Variants in CLTB observed in about 807,000 individuals in gnomAD.
CLTB encodes clathrin, light chain (Lcb).
A neutral mutation model predicts 30.5 loss-of-function variants in CLTB; 10 were observed. The observed-to-expected ratio is 0.33, with a 90% CI of 0.20 to 0.56. CLTB has a LOEUF of 0.56. Ranked by LOEUF, CLTB falls within the 20% of genes least tolerant of loss-of-function variation. The probability of loss-of-function intolerance (pLI) is 0.91; values close to 1 mark genes in which losing one functional copy is unlikely to be tolerated. For missense variants in CLTB, 261 were observed against 308.3 expected (o/e 0.85, Z 1.15); for synonymous variants, 102 against 120.3 (o/e 0.85, Z 1.00).
chr5:176,398,040 T>C lies in CLTB; in HGVS notation c.242A>G (p.Asn81Ser), dbSNP rs768942335. ...TVNGDVFQEA[N>S]GPADGYAAIA... is the part of the protein sequence containing the mutation. Reference sequence around the variant, plus strand: ...GGCTGCGTAGCCATCAGCAGGACCGTTGGCCTCCTAGAACACAAACACGCA... The same window carrying C: ...GGCTGCGTAGCCATCAGCAGGACCGCTGGCCTCCTAGAACACAAACACGCA... Residue 81 changes from asparagine to serine, a missense_variant, in exon 3 of 6, where the codon AAC (asparagine) becomes AGC (serine). By Grantham distance (46) the Asn-to-Ser change is conservative. This residue lies in a region of CLTB where 123 missense variants were observed against 157.0 expected (regional missense o/e 0.78). Coordinates refer to ENST00000310418, the MANE Select transcript of CLTB (RefSeq NM_007097.5). 16 of 1,613,882 alleles carry C rather than the reference T, an allele frequency of 9.9e-6. No homozygotes were observed. The highest frequency in any genetic ancestry group is 6.7e-5 in the Admixed American group (4 of 60,026).
chr5:176,394,351 C>T (rs182676523), intron 5 of CLTB, among the ~76,000 whole-genome samples: 194 of 152,338 alleles, frequency 1.3e-3, no homozygotes, highest in Non-Finnish European at 2.1e-3. Flanking sequence ...AGGGTTTTCA[C>T]GAGACCCCCT....
chr5:176,416,136 T>G, intron 1 of CLTB, 41 bp downstream of exon 1: 3 of 1,468,862 alleles, frequency 2.0e-6, no homozygotes, highest in Non-Finnish European at 2.7e-6. Context: ...GTCCCCCGGG[T>G]GCGCGCCCTG....
chr5:176,397,097 T>C (rs1232571191), intron 4 of CLTB, among the ~76,000 whole-genome samples: 1 of 152,156 alleles, frequency 6.6e-6, no homozygotes, highest in Non-Finnish European at 1.5e-5. Flanking sequence ...TGTGTGTTTT[T>C]CTCCTCTGCG....
At chr5:176,414,075 T>C (rs773601165) in intron 1 of CLTB, among the ~76,000 whole-genome samples, 14 of 152,330 alleles carry the variant, frequency 9.2e-5, no homozygotes, top group Non-Finnish European at 1.6e-4. Context: ...CTCAGGCATC[T>C]GGCTGCCCTC....
rs555226272 is a variant in CLTB at position 176,402,840 on chromosome 5, C to T, written c.235-4793G>A. On this transcript the variant is annotated intron_variant, in intron 2 of 5. Coordinates refer to ENST00000310418, the MANE Select transcript of CLTB (RefSeq NM_007097.5). ...GGGGAAGGGAGGGCACCATTCTCGCCTGGGGACAGAGTACAGTAGGAGAGA... is the reference window on the plus strand; with the variant it reads ...GGGGAAGGGAGGGCACCATTCTCGCTTGGGGACAGAGTACAGTAGGAGAGA... Among the ~76,000 whole-genome samples, 84 of 152,222 alleles carry T rather than the reference C, an allele frequency of 5.5e-4. 1 individual carries two copies. The South Asian group carries it at 0.017, about 31-fold the overall frequency.
intron 2 of CLTB, among the ~76,000 whole-genome samples, chr5:176,404,375 G>C (rs192949725): frequency 9.8e-5 from 15 of 152,362 alleles, no homozygotes; most frequent in African/African-American, 3.6e-4. Flanking sequence ...AGAAGCGTCC[G>C]GGGCTGCAGA....
chr5:176,414,131 C>T (rs1209840193), intron 1 of CLTB, among the ~76,000 whole-genome samples: 1 of 152,172 alleles, frequency 6.6e-6, no homozygotes, highest in Non-Finnish European at 1.5e-5. Context: ...ACAATGGCTC[C>T]CCTCAGCAGG....
chr5:176,407,100 T>C (rs949701069), intron 2 of CLTB, among the ~76,000 whole-genome samples: 4 of 152,032 alleles, frequency 2.6e-5, no homozygotes, highest in African/African-American at 7.2e-5. Flanking sequence ...CTCACTCAGA[T>C]TGGAAAGGAG....
intron 2 of CLTB, chr5:176,401,867 C>T (rs1184207007): frequency 6.9e-6 from 3 of 437,860 alleles, no homozygotes; most frequent in Non-Finnish European, 1.4e-5. Context: ...CCTGTCATCA[C>T]AATCTCTAAA....
Position 176,398,090 on chromosome 5 carries a change from G to A in CLTB, c.235-43C>T, listed in dbSNP as rs751862232. The A allele has an allele frequency of 5.1e-6, 8 of 1,566,928 alleles. No individual in the cohort carries two copies. In the Admixed American group the frequency reaches 1.3e-4, roughly 26 times the overall value. On this transcript the variant is annotated intron_variant, in intron 2 of 5. Transcript: ENST00000310418. ...AGCAGTCTATCCAGCCAGCACACCT[G>A]CCCCGCTGTCTCTGCTGCCCCTGCT...
chr5:176,403,049 ATTT>A (rs34807992), intron 2 of CLTB, among the ~76,000 whole-genome samples: 5 of 137,986 alleles, frequency 3.6e-5, no homozygotes, highest in Non-Finnish European at 3.1e-5. Context: ...GCCTGCCCTA[ATTT>A]TTTTTTTTTT....
intron 1 of CLTB, among the ~76,000 whole-genome samples, chr5:176,411,372 C>T (rs901199416): frequency 6.6e-6 from 1 of 152,106 alleles, no homozygotes. Flanking sequence ...TTCCCATGGA[C>T]CACAGTGGCC....
intron 2 of CLTB, among the ~76,000 whole-genome samples, chr5:176,402,080 A>AT (rs1199567085): frequency 6.6e-6 from 1 of 152,218 alleles, no homozygotes; most frequent in African/African-American, 2.4e-5. Flanking sequence ...AGGCAGGCAG[A>AT]TTGCCTGAGC....
chr5:176,409,988 ACTTGAC>A (rs1324864810), intron 2 of CLTB, among the ~76,000 whole-genome samples: 3 of 152,234 alleles, frequency 2.0e-5, no homozygotes, highest in African/African-American at 7.2e-5. Context: ...GCTGTGGGCC[ACTTGAC>A]CTCTCCCTCC....
At position 176,396,468 on chromosome 5, in the gene CLTB, C is replaced by T; in HGVS notation, c.518+11G>A. 1 of 1,612,642 alleles carries T rather than the reference C, an allele frequency of 6.2e-7. No individual in the cohort carries two copies. Among genetic ancestry groups the T allele is most frequent in the Non-Finnish European group, 8.5e-7 (1 of 1,178,644 alleles). On this transcript the variant is annotated intron_variant, in intron 5 of 5. Transcript: ENST00000310418. ...TAGCTCCCCCAACAGAGAAGCAAAACAGACACGTACACGTAGCCGATGATA... is the reference window on the plus strand; with the variant it reads ...TAGCTCCCCCAACAGAGAAGCAAAATAGACACGTACACGTAGCCGATGATA...
rs1275413184 is a variant in CLTB, at chr5:176,393,076, G to A, written c.519-131C>T. 5.0e-6 allele frequency: 5 copies of A among 999,824 alleles called. No individual in the cohort carries two copies. The East Asian group carries it at 1.2e-4, about 24-fold the overall frequency. 61.9% of individuals were successfully genotyped at this position (999,824 alleles called of 1,614,324 possible). On this transcript the variant is annotated intron_variant, in intron 5 of 5. Coordinates refer to ENST00000310418, the MANE Select transcript of CLTB (RefSeq NM_007097.5). This position sits in a 1 kb window ranked among gnomAD's most constrained non-coding sequence, Gnocchi z 4.4. The stretch of plus-strand genomic sequence containing the variant: ...CCAGCCTTGTGCCCCCCTGACTTCA[G>A]AGGAGGGCAGCCTTGGCGCAGGAGG...
chr5:176,396,122 C>T (rs372808950), intron 5 of CLTB, among the ~76,000 whole-genome samples: 8 of 152,218 alleles, frequency 5.3e-5, no homozygotes, highest in South Asian at 4.2e-4. Flanking sequence ...GCAGCAAGAG[C>T]GAAACTCCAT....
intron 1 of CLTB, among the ~76,000 whole-genome samples, chr5:176,415,588 C>T (rs967982295): frequency 7.2e-5 from 11 of 152,170 alleles, no homozygotes; most frequent in Non-Finnish European, 1.5e-4. Flanking sequence ...CTGCCACTTA[C>T]TAGTTATTTC....
At chr5:176,403,108 G>A (rs1190603698) in intron 2 of CLTB, among the ~76,000 whole-genome samples, 1 of 147,354 alleles carries the variant, frequency 6.8e-6, no homozygotes, top group Admixed American at 6.8e-5. Context: ...GGAGTGCAGT[G>A]TCAGGATCTC....
Sources: allele counts gnomAD v4.1 joint callset (sites outside exome capture counted in the v4.1 genomes callset), GRCh38; gene constraint gnomAD v4.1.1; regional missense constraint gnomAD v4.1.1; non-coding constraint Gnocchi (gnomAD v3.1); transcripts MANE v1.5; gene names NCBI Gene and HGNC (gene_info 2026-07-23, HGNC 2026-07-21).